RFC1: variants seen among roughly 807,000 people sequenced by gnomAD.
RFC1 encodes the protein replication factor C subunit 1.
A neutral mutation model predicts 137.4 loss-of-function variants in RFC1; 37 were observed. The ratio of observed to expected loss-of-function variants is 0.27; its 90% CI spans 0.21 to 0.35. The LOEUF (loss-of-function observed/expected upper bound fraction) is 0.35, where lower values mean the gene tolerates loss of function less well. Ranked by LOEUF, RFC1 falls within the 10% of genes least tolerant of loss-of-function variation. RFC1 has a pLI of 1.00. For synonymous variants in RFC1, 429 were observed against 455.7 expected (o/e 0.94, Z 0.75); for missense variants, 1,205 against 1,358.5 (o/e 0.89, Z 1.78).
chr4:39,295,582 T>C, intron 22 of RFC1, 32 bp downstream of exon 22: 1 of 1,553,336 alleles, frequency 6.4e-7, no homozygotes, highest in Non-Finnish European at 8.7e-7. Context: ...ACCAAATCGA[T>C]AAAATACCCG....
chr4:39,329,468 T>C (rs1219866774), intron 4 of RFC1, among the ~76,000 whole-genome samples: 2 of 151,656 alleles, frequency 1.3e-5, no homozygotes, highest in Non-Finnish European at 2.9e-5. Flanking sequence ...TGCGCGCCTG[T>C]AGTCCCAGCT....
chr4:39,297,572 G>A (rs1235004517), intron 21 of RFC1: 2 of 151,978 alleles, frequency 1.3e-5, no homozygotes, highest in Non-Finnish European at 2.9e-5. Context: ...GTAGGTATGC[G>A]GCGTTATTTC....
intron 23 of RFC1, among the ~76,000 whole-genome samples, chr4:39,290,935 A>G (rs1286784992): frequency 1.3e-5 from 2 of 152,186 alleles, no homozygotes; most frequent in African/African-American, 4.8e-5. Context: ...AGTAACTTGA[A>G]AGTCTTACCT....
At chr4:39,355,693 C>G (rs1327929247) in intron 1 of RFC1, among the ~76,000 whole-genome samples, 1 of 152,174 alleles carries the variant, frequency 6.6e-6, no homozygotes, top group Non-Finnish European at 1.5e-5. Flanking sequence ...CACTATACTG[C>G]TGATAAAAGT....
chr4:39,310,537 C>T (rs1738915375), intron 12 of RFC1, among the ~76,000 whole-genome samples: 1 of 152,058 alleles, frequency 6.6e-6, no homozygotes, highest in South Asian at 2.1e-4. Context: ...ATCCTGTGTC[C>T]TGTGTGTAAA....
Position 39,309,014 on chromosome 4 carries a change from G to T in RFC1, c.1507C>A (p.Leu503Met). The T allele has an allele frequency of 6.3e-7, 1 of 1,598,182 alleles. No homozygotes were observed. Among genetic ancestry groups the T allele is most frequent in the Non-Finnish European group, 8.5e-7 (1 of 1,176,148 alleles). Reference protein sequence around the residue: ...VETEMKKESKLERTPQKNVQG... With the variant: ...VETEMKKESKMERTPQKNVQG... ...ACATTTTTTTGGGGTGTTCTCTCCA[G>T]TTTGGACTCTTTCTTCATCTTAAGA... Residue 503 changes from leucine to methionine, a missense_variant, in exon 13 of 25, where the codon CTG becomes ATG. Physicochemically the swap from Leu to Met is conservative, Grantham distance 15. This residue lies in a region of RFC1 where 962 missense variants were observed against 1,035.3 expected (regional missense o/e 0.93). Transcript: ENST00000349703.
In RFC1 at chr4:39,302,944, G is replaced by T. The variant is rs1282402925; in HGVS notation, c.2203-70C>A. 10 of 1,513,960 alleles carry T rather than the reference G, an allele frequency of 6.6e-6. No individual in the cohort carries two copies. In the East Asian group the frequency reaches 2.3e-4, roughly 34 times the overall value. 93.8% of individuals were successfully genotyped at this position (1,513,960 alleles called of 1,614,324 possible). On this transcript the variant is annotated intron_variant, in intron 16 of 24. Coordinates refer to ENST00000349703, the MANE Select transcript of RFC1 (RefSeq NM_002913.5). ...ACAAATACCACACAAGCTATTTTAG[G>T]TTCTAAAAATCTCCTCAGCAACATG... is the stretch of plus-strand genomic sequence containing the variant.
intron 4 of RFC1, 21 bp downstream of exon 4, chr4:39,342,324 T>C (rs1740641413): frequency 6.2e-7 from 1 of 1,606,676 alleles, no homozygotes; most frequent in Non-Finnish European, 8.5e-7. Flanking sequence ...CGGCATCTCA[T>C]ATACCACAAT....
At chr4:39,321,999 C>T (rs1739543452) in intron 7 of RFC1, among the ~76,000 whole-genome samples, 1 of 151,980 alleles carries the variant, frequency 6.6e-6, no homozygotes, top group South Asian at 2.1e-4. Flanking sequence ...CAACTCTCTG[C>T]TTTAAAGAAG....
chr4:39,305,807 A>C (rs552705434), intron 14 of RFC1, among the ~76,000 whole-genome samples: 1 of 152,170 alleles, frequency 6.6e-6, no homozygotes, highest in Non-Finnish European at 1.5e-5. Context: ...AATAATAAAG[A>C]GAGAAAAAGA....
At chr4:39,299,358 G>A (rs746871720) in intron 21 of RFC1, among the ~76,000 whole-genome samples, 5 of 152,160 alleles carry the variant, frequency 3.3e-5, no homozygotes, top group African/African-American at 7.2e-5. Flanking sequence ...CTGTATTTCC[G>A]TGTGTGTGTC....
chr4:39,364,074 T>C (rs2109788514), intron 1 of RFC1, among the ~76,000 whole-genome samples: 1 of 115,570 alleles, frequency 8.7e-6, no homozygotes, highest in Non-Finnish European at 1.8e-5. Context: ...AGCAAGACCT[T>C]GCCTTTAAAA....
chr4:39,313,576 G>A (rs1578127749), intron 10 of RFC1, among the ~76,000 whole-genome samples: 1 of 152,156 alleles, frequency 6.6e-6, no homozygotes, highest in Non-Finnish European at 1.5e-5. Context: ...GATTGTACAA[G>A]AACAAACTGC....
In RFC1 at chr4:39,306,564, T is replaced by C. The variant is rs370800212; in HGVS notation, c.1995+28A>G. Reference sequence around the variant, plus strand: ...AGCCATGACCACTCGAGGTTATCTGTCCGACCACACTGTGACAACGCACCC... The same window carrying C: ...AGCCATGACCACTCGAGGTTATCTGCCCGACCACACTGTGACAACGCACCC... On this transcript the variant is annotated intron_variant, in intron 14 of 24. Transcript: ENST00000349703. 1,082 of 1,280,774 alleles carry C rather than the reference T, an allele frequency of 8.4e-4. 5 individuals carry two copies. Among genetic ancestry groups the C allele is most frequent in the Middle Eastern group, 7.3e-3 (39 of 5,360 alleles). The allele number at this position is 1,280,774 out of a possible 1,614,324, so 79.3% of individuals were successfully genotyped here.
intron 21 of RFC1, among the ~76,000 whole-genome samples, chr4:39,296,592 T>C (rs1738022943): frequency 6.6e-6 from 1 of 151,570 alleles, no homozygotes; most frequent in South Asian, 2.1e-4. Flanking sequence ...TCATCATTTT[T>C]GATGGCTGCA....
chr4:39,308,466 T>C lies in RFC1; in HGVS notation c.1885+170A>G, dbSNP rs544292458. 3.3e-5 allele frequency among the ~76,000 whole-genome samples: 5 copies of C among 152,306 alleles called. No homozygotes were observed. The South Asian group carries it at 1.0e-3, about 32-fold the overall frequency. On this transcript the variant is annotated intron_variant, in intron 13 of 24. Transcript: ENST00000349703. ...TGTGAGCTCCTGAGAGGGACTGTTT[T>C]GTTCACAACACCACCAGCAGGGTCT... is the stretch of plus-strand genomic sequence containing the variant.
intron 1 of RFC1, among the ~76,000 whole-genome samples, chr4:39,358,920 C>T (rs1374669308): frequency 2.0e-5 from 3 of 152,198 alleles, no homozygotes; most frequent in Non-Finnish European, 4.4e-5. Flanking sequence ...GTGTCTGTTT[C>T]TCCAGACCAG....
At chr4:39,309,385 A>G (rs1738853937) in intron 12 of RFC1, among the ~76,000 whole-genome samples, 1 of 152,252 alleles carries the variant, frequency 6.6e-6, no homozygotes, top group African/African-American at 2.4e-5. Context: ...TTGTACACAA[A>G]TGTTCATAAC....
intron 4 of RFC1, among the ~76,000 whole-genome samples, chr4:39,337,149 C>A (rs138560030): frequency 5.3e-5 from 8 of 152,124 alleles, no homozygotes; most frequent in South Asian, 2.1e-4. Context: ...CCGAGGCAGG[C>A]GGATCACCTG....
Sources: gnomAD v4.1 joint callset for allele counts (sites outside exome capture counted in the v4.1 genomes callset) on GRCh38, gnomAD v4.1.1 for gene constraint, gnomAD v4.1.1 regional missense constraint, MANE v1.5 for transcripts, NCBI Gene and HGNC (gene_info 2026-07-23, HGNC 2026-07-21) for gene names.